TXNDC12: variants seen among roughly 807,000 people sequenced by gnomAD.
TXNDC12 encodes thioredoxin domain containing 12.
TXNDC12 carries 22 observed loss-of-function variants against 24.2 expected under a neutral mutation model. The observed-to-expected ratio is 0.91, with a 90% CI of 0.65 to 1.30. TXNDC12 has a LOEUF of 1.30. Ranked by LOEUF, TXNDC12 falls within the 50% of genes most tolerant of loss-of-function variation. The pLI, the probability that TXNDC12 is intolerant of heterozygous loss-of-function variation, is 0.00. For missense variants in TXNDC12, 184 were observed against 205.8 expected, an observed-to-expected ratio of 0.89 and a Z score of 0.65; for synonymous variants, 58 against 73.4, an observed-to-expected ratio of 0.79 and a Z score of 1.07.
At chr1:52,050,560 C>G (rs369063443) in intron 1 of TXNDC12, among the ~76,000 whole-genome samples, 1 of 152,168 alleles carries the variant, frequency 6.6e-6, no homozygotes, top group East Asian at 1.9e-4. Flanking sequence ...CCACCCCCTC[C>G]TAGCTGATGA....
At chr1:52,032,791 T>A (rs750005835) in intron 2 of TXNDC12, 6 of 1,614,074 alleles carry the variant, frequency 3.7e-6, no homozygotes, top group African/African-American at 1.3e-5. Context: ...CGAAATAAAC[T>A]GGCGACGAAG....
chr1:52,039,182 A>G (rs1052120660), intron 2 of TXNDC12, among the ~76,000 whole-genome samples: 3 of 151,578 alleles, frequency 2.0e-5, no homozygotes, highest in South Asian at 2.1e-4. Context: ...AAGCAATTCA[A>G]TTTTTTCTTG....
chr1:52,054,870 G>A, intron 1 of TXNDC12, 130 bp downstream of exon 1: 1 of 654,562 alleles, frequency 1.5e-6, no homozygotes, highest in Non-Finnish European at 2.7e-6. Context: ...GAGCGGTTGG[G>A]GAAGATAAAA....
intron 2 of TXNDC12, chr1:52,033,118 C>T (rs768431662): frequency 3.7e-6 from 6 of 1,613,316 alleles, no homozygotes; most frequent in South Asian, 3.3e-5. Flanking sequence ...AGCCTCAAAG[C>T]GCAGCGTTAG....
chr1:52,036,151 C>T (rs1685879655), intron 2 of TXNDC12, among the ~76,000 whole-genome samples: 1 of 152,116 alleles, frequency 6.6e-6, no homozygotes, highest in Admixed American at 6.6e-5. Flanking sequence ...CAAAAATCAG[C>T]ATATACCTTT....
At chr1:52,031,603 G>A (rs1393231146) in intron 2 of TXNDC12, among the ~76,000 whole-genome samples, 2 of 149,136 alleles carry the variant, frequency 1.3e-5, no homozygotes, top group African/African-American at 5.0e-5. Flanking sequence ...AGCGATTCTC[G>A]TGCCTCAGCC....
intron 2 of TXNDC12, among the ~76,000 whole-genome samples, chr1:52,040,082 A>G (rs924629886): frequency 1.8e-4 from 28 of 151,996 alleles, no homozygotes; most frequent in African/African-American, 6.3e-4. Context: ...ACAGGTGCAC[A>G]CCACCATGCC....
intron 2 of TXNDC12, among the ~76,000 whole-genome samples, chr1:52,038,952 A>T (rs1328795280): frequency 2.1e-5 from 3 of 143,286 alleles, no homozygotes; most frequent in Non-Finnish European, 3.1e-5. Flanking sequence ...ATTTATCTTT[A>T]AAAAAATTTT....
chr1:52,046,443 AGTCAAG>A (rs1231053438), intron 1 of TXNDC12, among the ~76,000 whole-genome samples: 1 of 152,158 alleles, frequency 6.6e-6, no homozygotes, highest in Non-Finnish European at 1.5e-5. Context: ...CAAAAAGAGA[AGTCAAG>A]GATCACTCTA....
At chr1:52,033,086 C>A in intron 2 of TXNDC12, 1 of 1,609,578 alleles carries the variant, frequency 6.2e-7, no homozygotes, top group Non-Finnish European at 8.5e-7. Context: ...AAAGGCCGGT[C>A]CCAGCGATTC....
intron 2 of TXNDC12, among the ~76,000 whole-genome samples, chr1:52,038,336 G>A (rs1313491288): frequency 6.7e-6 from 1 of 149,450 alleles, no homozygotes. Flanking sequence ...TTTTGAGACA[G>A]GGTCTCACTC....
At chr1:52,046,866 A>AAATATATATATAT (rs1229275355) in intron 1 of TXNDC12, among the ~76,000 whole-genome samples, 2 of 30,170 alleles carry the variant, frequency 6.6e-5, no homozygotes, top group East Asian at 8.8e-4. Flanking sequence ...AAAAAAAAAA[A>AAATATATATATAT]ATATATATAT....
In TXNDC12 at chr1:52,055,155, C is replaced by G; in HGVS notation, c.-59G>C. ...GACGCAGGGCCGGAGTCCCAGCAGA[C>G]GGTCCACACAGTTCGCCGAGCGCCG... On this transcript the variant is annotated 5_prime_UTR_variant, in exon 1 of 7. Coordinates refer to ENST00000371626, the MANE Select transcript of TXNDC12 (RefSeq NM_015913.4). 8.1e-7 allele frequency: 1 copy of G among 1,233,348 alleles called. No individual in the cohort carries two copies. The highest frequency in any genetic ancestry group is 1.7e-5 in the Admixed American group (1 of 57,384). 76.4% of individuals were successfully genotyped at this position (1,233,348 alleles called of 1,614,324 possible).
intron 1 of TXNDC12, among the ~76,000 whole-genome samples, chr1:52,054,740 C>G (rs1686294914): frequency 6.6e-6 from 1 of 152,212 alleles, no homozygotes; most frequent in African/African-American, 2.4e-5. Context: ...TCTTAACATG[C>G]TTTCCTTAAT....
intron 2 of TXNDC12, 129 bp from the exon 3 acceptor site, chr1:52,028,759 T>C (rs1309799020): frequency 1.4e-6 from 1 of 724,146 alleles, no homozygotes; most frequent in Non-Finnish European, 2.4e-6. Flanking sequence ...AAATGTTCAA[T>C]AATAATAGAT....
chr1:52,032,684 C>T (rs759971974), intron 2 of TXNDC12: 2 of 1,572,280 alleles, frequency 1.3e-6, no homozygotes, highest in Non-Finnish European at 1.7e-6. Context: ...GGCTTCCCCC[C>T]TACCTCCTCT....
intron 2 of TXNDC12, among the ~76,000 whole-genome samples, chr1:52,039,864 A>G (rs1445106210): frequency 2.0e-5 from 3 of 152,214 alleles, no homozygotes; most frequent in Non-Finnish European, 2.9e-5. Flanking sequence ...CCTTCTGCAA[A>G]TGGCAGCATG....
At chr1:52,033,714 C>T (rs376029952) in intron 2 of TXNDC12, 3 of 1,610,254 alleles carry the variant, frequency 1.9e-6, no homozygotes, top group African/African-American at 2.7e-5. Flanking sequence ...CTTCAGCACG[C>T]CGGCTCTTGC....
rs754022463 is a variant in TXNDC12, at chr1:52,054,988, A to T, written c.97+12T>A. ...AAAGATCAGTAAAGAGAAGATAAGA[A>T]CGCGGTCTGACCCTTTCCAAGCCCA... On this transcript the variant is annotated intron_variant, in intron 1 of 6. Coordinates refer to ENST00000371626, the MANE Select transcript of TXNDC12 (RefSeq NM_015913.4). The T allele has an allele frequency of 6.3e-7, 1 of 1,597,502 alleles. No individual in the cohort carries two copies. The highest frequency in any genetic ancestry group is 8.6e-7 in the Non-Finnish European group (1 of 1,164,918).
Sources: allele counts gnomAD v4.1 joint callset (sites outside exome capture counted in the v4.1 genomes callset), GRCh38; gene constraint gnomAD v4.1.1; transcripts MANE v1.5; gene names NCBI Gene and HGNC (gene_info 2026-07-23, HGNC 2026-07-21).